VARS2: variants seen among roughly 807,000 people sequenced by gnomAD.
VARS2 encodes valyl-tRNA synthetase 2, mitochondrial.
A neutral mutation model predicts 154.1 loss-of-function variants in VARS2; 105 were observed. That is an observed-to-expected ratio of 0.68 (90% CI 0.58 to 0.80). The LOEUF (loss-of-function observed/expected upper bound fraction) is 0.80. Among genes scored for constraint, VARS2 ranks in the 30% least tolerant of loss-of-function variants. The probability of loss-of-function intolerance (pLI) is 0.00; values close to 1 mark genes in which losing one functional copy is unlikely to be tolerated. For missense variants in VARS2, 1,157 were observed against 1,361.4 expected (o/e 0.85, Z 2.36); for synonymous variants, 483 against 539.5 (o/e 0.90, Z 1.45).
chr6:30,923,931 C>G (rs1015068511), intron 25 of VARS2: 7 of 349,176 alleles, frequency 2.0e-5, no homozygotes, highest in East Asian at 1.4e-4. Context: ...GGATCCCCCC[C>G]GCTCCACTGC....
Position 30,917,910 on chromosome 6 carries a change from A to G in VARS2, c.985+104A>G, listed in dbSNP as rs1383206640. 1 of 1,169,632 alleles carries G rather than the reference A, an allele frequency of 8.5e-7. No homozygotes were observed. The highest frequency in any genetic ancestry group is 2.6e-5 in the East Asian group (1 of 39,070). 72.5% of individuals were successfully genotyped at this position (1,169,632 alleles called of 1,614,324 possible). A position where few individuals can be genotyped will look rare whatever the true frequency, so the allele number is the denominator to read the frequency against. On this transcript the variant is annotated intron_variant, in intron 10 of 29. Coordinates refer to ENST00000676266, the MANE Select transcript of VARS2 (RefSeq NM_020442.6). This position sits in a 1 kb window ranked among gnomAD's most constrained non-coding sequence, Gnocchi z 4.4. The stretch of plus-strand genomic sequence containing the variant: ...ACCCATCAGTCCATCTCTCACATGT[A>G]CCTTGGTAGTGTTCACCTCAGCGTG...
At chr6:30,925,080 T>C (rs961397339) in intron 26 of VARS2, among the ~76,000 whole-genome samples, 194 bp from the exon 27 acceptor site, 1 of 152,278 alleles carries the variant, frequency 6.6e-6, no homozygotes, top group African/African-American at 2.4e-5. Context: ...CATCAAACAC[T>C]GATCATCTAA....
In VARS2 at chr6:30,920,486, A is replaced by G; in HGVS notation, c.1397+50A>G. On this transcript the variant is annotated intron_variant, in intron 14 of 29. Transcript: ENST00000676266. This position sits in a 1 kb window ranked among gnomAD's most constrained non-coding sequence, Gnocchi z 4.6. The stretch of plus-strand genomic sequence containing the variant: ...TAAGGGCTACCCCAAAAGGGAATGT[A>G]TGGAGCTTAAGGGTGACAATAGGAT... 1.3e-6 allele frequency: 2 copies of G among 1,540,516 alleles called. No homozygotes were observed. The highest frequency in any genetic ancestry group is 1.8e-6 in the Non-Finnish European group (2 of 1,140,204).
chr6:30,922,192 G>C lies in VARS2; in HGVS notation c.1883G>C (p.Arg628Pro). 6.2e-7 allele frequency: 1 copy of C among 1,612,778 alleles called. No homozygotes were observed. Among genetic ancestry groups the C allele is most frequent in the South Asian group, 1.1e-5 (1 of 91,074 alleles). ...GACCTTCTGCTGTTCTGGGTGGGCC[G>C]CATGGTCATGTTGGGGACCCAGCTC... ...GSDLLLFWVG[R>P]MVMLGTQLTG... The change falls in exon 20 of 30, where the codon CGC (arginine) becomes CCC (proline). Residue 628 changes from arginine (R) to proline (P), a missense_variant. Coordinates refer to ENST00000676266, the MANE Select transcript of VARS2 (RefSeq NM_020442.6).
Position 30,916,422 on chromosome 6 carries a change from T to C in VARS2, c.671+173T>C. On this transcript the variant is annotated intron_variant, in intron 7 of 29. Coordinates refer to ENST00000676266, the MANE Select transcript of VARS2 (RefSeq NM_020442.6). The surrounding 1 kb of genome is among the most constrained non-coding windows in gnomAD (Gnocchi z 4.0). Reference sequence around the variant, plus strand: ...TTTGGTGGAGTTTCTAAGCCTTATGTGTGTGGATATTATATATGCATTAGA... The same window carrying C: ...TTTGGTGGAGTTTCTAAGCCTTATGCGTGTGGATATTATATATGCATTAGA... 1 of 576,208 alleles carries C rather than the reference T, an allele frequency of 1.7e-6. No individual in the cohort carries two copies. The highest frequency in any genetic ancestry group is 2.8e-5 in the East Asian group (1 of 35,514). 35.7% of individuals were successfully genotyped at this position (576,208 alleles called of 1,614,324 possible). A position where few individuals can be genotyped will look rare whatever the true frequency, so the allele number is the denominator to read the frequency against.
rs1582178463 is a variant in VARS2, at chr6:30,917,534, G to A, written c.874-161G>A. On this transcript the variant is annotated intron_variant, in intron 9 of 29. Transcript: ENST00000676266. The surrounding 1 kb of genome is among the most constrained non-coding windows in gnomAD (Gnocchi z 4.4). ...ATATTTATTAGAAGTGTGACTGCAC[G>A]AGCATTGGGTGAGGGCAGAGGGAGG... Among the ~76,000 whole-genome samples the A allele has an allele frequency of 6.6e-6, 1 of 152,388 alleles. No individual in the cohort carries two copies.
Position 30,914,332 on chromosome 6 carries a change from G to A in VARS2, c.-40G>A. ...CGCCGCGGGGCGCCCTGGGATAGCG[G>A]CGGGGCCTCCTGGTGAGCGCGCGCC... On this transcript the variant is annotated 5_prime_UTR_variant, in exon 1 of 30. Coordinates refer to ENST00000676266, the MANE Select transcript of VARS2 (RefSeq NM_020442.6). 8.2e-7 allele frequency: 1 copy of A among 1,212,152 alleles called. No individual in the cohort carries two copies. Among genetic ancestry groups the A allele is most frequent in the Non-Finnish European group, 1.0e-6 (1 of 965,332 alleles). The allele number at this position is 1,212,152 out of a possible 1,614,324, so 75.1% of individuals were successfully genotyped here.
rs771109283 is a variant in VARS2, at chr6:30,915,389, C to T, written c.318C>T (p.Pro106=). ...GGCCCCTGCCTCCTGCATACAGCCC[C>T]CGATATGTTGAGGCTGCCTGGTACC... The part of the protein sequence containing the change: ...VSGPLPPAYS[P]RYVEAAWYPW... Residue 106 remains proline, a synonymous_variant, in exon 4 of 30, where the codon CCC becomes CCT. Coordinates refer to ENST00000676266, the MANE Select transcript of VARS2 (RefSeq NM_020442.6). 1 of 1,614,196 alleles carries T rather than the reference C, an allele frequency of 6.2e-7. No individual in the cohort carries two copies.
Position 30,924,710 on chromosome 6 carries a change from C to T in VARS2, c.2673+150C>T, listed in dbSNP as rs144768058. The T allele has an allele frequency of 1.5e-3, 910 of 597,862 alleles. 13 individuals carry two copies. Among genetic ancestry groups the T allele is most frequent in the African/African-American group, 0.014 (739 of 53,816 alleles). The allele number at this position is 597,862 out of a possible 1,614,324, so 37.0% of individuals were successfully genotyped here. A position where few individuals can be genotyped will look rare whatever the true frequency, so the allele number is the denominator to read the frequency against. On this transcript the variant is annotated intron_variant, in intron 26 of 29. Coordinates refer to ENST00000676266, the MANE Select transcript of VARS2 (RefSeq NM_020442.6). Reference sequence around the variant, plus strand: ...ATGGATTGTTCCTGCAGGGTTGCTGCGATGACCCTAGGGTCTTGAGGGACA... The same window carrying T: ...ATGGATTGTTCCTGCAGGGTTGCTGTGATGACCCTAGGGTCTTGAGGGACA...
Position 30,921,186 on chromosome 6 carries a change from G to C in VARS2, c.1557-44G>C, listed in dbSNP as rs375616113. ...AGCTCTTGTGGAGATGGGGAGGGGG[G>C]ACTGACTGGTTATTCTAAGACTTCA... On this transcript the variant is annotated intron_variant, in intron 16 of 29. Transcript: ENST00000676266. This position sits in a 1 kb window ranked among gnomAD's most constrained non-coding sequence, Gnocchi z 4.6. 5.9e-5 allele frequency: 96 copies of C among 1,613,838 alleles called. No homozygotes were observed. Among genetic ancestry groups the C allele is most frequent in the South Asian group, 7.7e-5 (7 of 91,062 alleles).
In VARS2 at chr6:30,919,933, G is replaced by C; in HGVS notation, c.1165+85G>C. 6.8e-7 allele frequency: 1 copy of C among 1,479,558 alleles called. No individual in the cohort carries two copies. Among genetic ancestry groups the C allele is most frequent in the Non-Finnish European group, 9.1e-7 (1 of 1,103,530 alleles). 91.7% of individuals were successfully genotyped at this position (1,479,558 alleles called of 1,614,324 possible). On this transcript the variant is annotated intron_variant, in intron 12 of 29. Coordinates refer to ENST00000676266, the MANE Select transcript of VARS2 (RefSeq NM_020442.6). This position sits in a 1 kb window ranked among gnomAD's most constrained non-coding sequence, Gnocchi z 4.5. The stretch of plus-strand genomic sequence containing the variant: ...CCAGGAGGAAGAGGAAGGTGGGAGT[G>C]GGAGATCCTCATATAGGGTGGTCTG...
chr6:30,919,485 G>A lies in VARS2; in HGVS notation c.1075-273G>A, dbSNP rs1172557264. The A allele has an allele frequency of 3.0e-6, 1 of 334,918 alleles. No homozygotes were observed. The highest frequency in any genetic ancestry group is 5.4e-6 in the Non-Finnish European group (1 of 186,104). The allele number at this position is 334,918 out of a possible 1,614,324, so 20.7% of individuals were successfully genotyped here. A position where few individuals can be genotyped will look rare whatever the true frequency, so the allele number is the denominator to read the frequency against. On this transcript the variant is annotated intron_variant, in intron 11 of 29. Transcript: ENST00000676266. The surrounding 1 kb of genome is among the most constrained non-coding windows in gnomAD (Gnocchi z 4.5). ...CAGGCGTGAGCCGCCGCGCCTGGCT[G>A]CTTGCAGCCTTTATATTATCTATGG...
intron 20 of VARS2, 31 bp from the exon 21 acceptor site, chr6:30,922,419 C>T (rs1214011962): frequency 3.7e-6 from 6 of 1,609,408 alleles, no homozygotes; most frequent in South Asian, 1.1e-5. Context: ...TCCAAGGAAA[C>T]CCCCCTCTGT....
intron 26 of VARS2, among the ~76,000 whole-genome samples, chr6:30,925,062 TA>T (rs1257535652): frequency 6.6e-6 from 1 of 152,250 alleles, no homozygotes; most frequent in Admixed American, 6.5e-5. Flanking sequence ...TCACAGCAAC[TA>T]AACAGGCATC....
Position 30,925,674 on chromosome 6 carries a change from C to T in VARS2, c.2916C>T (p.Ala972=). The change falls in exon 28 of 30, where the codon GCC becomes GCT. Residue 972 remains alanine, a synonymous_variant. Coordinates refer to ENST00000676266, the MANE Select transcript of VARS2 (RefSeq NM_020442.6). The part of the protein sequence containing the change: ...PPGAAAPSGW[A]QAPLSDTAQV... ...GCGCAGCAGCTCCCTCCGGCTGGGC[C>T]CAGGCTCCACTCAGTGACACGGCTC... 1.2e-6 allele frequency: 2 copies of T among 1,610,914 alleles called. No individual in the cohort carries two copies.
Position 30,925,388 on chromosome 6 carries a change from G to C in VARS2, c.2785+3G>C. On this transcript the variant is annotated splice_donor_region_variant and intron_variant, in intron 27 of 29. Transcript: ENST00000676266. The stretch of plus-strand genomic sequence containing the variant: ...GCTCACCAAAGCCCGGCCCCGAGGT[G>C]AGGCAAGGCGGGTCCTGGGCTCGGA... 1 of 1,605,336 alleles carries C rather than the reference G, an allele frequency of 6.2e-7. No individual in the cohort carries two copies. The highest frequency in any genetic ancestry group is 8.5e-7 in the Non-Finnish European group (1 of 1,175,148).
In VARS2 at chr6:30,919,985, C is replaced by A; in HGVS notation, c.1166-104C>A. On this transcript the variant is annotated intron_variant, in intron 12 of 29. Transcript: ENST00000676266. This position sits in a 1 kb window ranked among gnomAD's most constrained non-coding sequence, Gnocchi z 4.5. ...GTGGGGAATGGGAGGGAGGCACAGA[C>A]AGAGAAAGTCGCAGGGGCTGGGGCG... The A allele has an allele frequency of 1.6e-6, 1 of 640,274 alleles. No individual in the cohort carries two copies. The highest frequency in any genetic ancestry group is 2.1e-6 in the Non-Finnish European group (1 of 465,454). 39.7% of individuals were successfully genotyped at this position (640,274 alleles called of 1,614,324 possible).
In VARS2 at chr6:30,926,295, G is replaced by A. The variant is rs1195570755; in HGVS notation, c.*85G>A. 3.7e-6 allele frequency: 5 copies of A among 1,353,680 alleles called. No individual in the cohort carries two copies. The highest frequency in any genetic ancestry group is 2.9e-5 in the African/African-American group (2 of 69,556). The allele number at this position is 1,353,680 out of a possible 1,614,324, so 83.9% of individuals were successfully genotyped here. ...GTCAGCTGTCAGGGTGCAGTGGGAC[G>A]TCAGAGACTATGTGGTCCATCGCCT... On this transcript the variant is annotated 3_prime_UTR_variant, in exon 30 of 30. Transcript: ENST00000676266.
At chr6:30,923,938 C>T (rs963807206) in intron 25 of VARS2, 1 of 350,076 alleles carries the variant, frequency 2.9e-6, no homozygotes, top group African/African-American at 2.1e-5. Context: ...CCCCGCTCCA[C>T]TGCCACCCCA....
Sources: gnomAD v4.1 joint callset for allele counts (sites outside exome capture counted in the v4.1 genomes callset) on GRCh38, gnomAD v4.1.1 for gene constraint, Gnocchi (gnomAD v3.1) non-coding constraint, MANE v1.5 for transcripts, NCBI Gene and HGNC (gene_info 2026-07-23, HGNC 2026-07-21) for gene names.